SH3TC1: variants seen among roughly 807,000 people sequenced by gnomAD.
SH3TC1 encodes the protein SH3 domain and tetratricopeptide repeats 1.
SH3TC1 carries 135 observed loss-of-function variants against 117.3 expected under a neutral mutation model. That is an observed-to-expected ratio of 1.15 (90% CI 1.00 to 1.33). SH3TC1 has a LOEUF of 1.33. SH3TC1 is among the 40% of genes most tolerant of loss of function. The probability of loss-of-function intolerance (pLI) is 0.00; values close to 1 mark genes in which losing one functional copy is unlikely to be tolerated. For missense variants in SH3TC1, 2,092 were observed against 1,794.3 expected (o/e 1.17, Z -3.00); for synonymous variants, 898 against 816.9 (o/e 1.10, Z -1.69).
rs775255510 is a variant in SH3TC1 at position 8,227,217 on chromosome 4, C to A, written c.1523C>A (p.Ala508Asp). The A allele has an allele frequency of 2.5e-6, 4 of 1,570,434 alleles. No individual in the cohort carries two copies. The highest frequency in any genetic ancestry group is 1.8e-5 in the Admixed American group (1 of 54,096). ...AGCTCACTGCTGCTGTTCCTGAACG[C>A]CCCTGGGTACAAGGCCAGCTTCCGT... is the stretch of plus-strand genomic sequence containing the variant. The part of the protein sequence containing the change: ...ALSSLLLFLN[A>D]PGYKASFRGL... The change falls in exon 12 of 18, where the codon GCC becomes GAC. Residue 508 changes from alanine to aspartate, a missense_variant. By Grantham distance (126) the Ala-to-Asp change is moderately radical. Coordinates refer to ENST00000245105, the MANE Select transcript of SH3TC1 (RefSeq NM_018986.5).
At chr4:8,223,192 T>G (rs949315146) in intron 10 of SH3TC1, among the ~76,000 whole-genome samples, 1 of 152,182 alleles carries the variant, frequency 6.6e-6, no homozygotes, top group Non-Finnish European at 1.5e-5. Context: ...CCCCTGAGAC[T>G]CCTGTGGGCA....
upstream of SH3TC1, among the ~76,000 whole-genome samples, chr4:8,198,694 A>T (rs1326432791): frequency 6.6e-6 from 1 of 152,190 alleles, no homozygotes; most frequent in African/African-American, 2.4e-5. Flanking sequence ...CAGGCTAGCA[A>T]GGAGAGCTTG....
At chr4:8,212,941 G>C in intron 4 of SH3TC1, 113 bp downstream of exon 4, 1 of 1,392,070 alleles carries the variant, frequency 7.2e-7, no homozygotes, top group South Asian at 1.5e-5. Flanking sequence ...CAGAGAGCGA[G>C]AGCCACTCAG....
intron 13 of SH3TC1, chr4:8,232,459 T>C (rs1409578220): frequency 1.4e-6 from 2 of 1,472,584 alleles, no homozygotes; most frequent in Non-Finnish European, 1.8e-6. Flanking sequence ...CTGTTCTTCC[T>C]ACCTGGTGGC....
chr4:8,220,248 A>AG (rs57701570), intron 9 of SH3TC1, among the ~76,000 whole-genome samples: 3,447 of 152,254 alleles, frequency 0.023, 126 homozygotes, highest in African/African-American at 0.078. Context: ...CCGACCTTGC[A>AG]GGCCCCCATG....
intron 1 of SH3TC1, among the ~76,000 whole-genome samples, chr4:8,187,379 C>T (rs1202071679): frequency 3.3e-5 from 5 of 151,180 alleles, no homozygotes; most frequent in Non-Finnish European, 5.9e-5. Context: ...GGAAGGACGC[C>T]ACCATGCGCA....
intron 16 of SH3TC1, chr4:8,237,048 C>CT (rs1402455730): frequency 5.9e-4 from 102 of 172,662 alleles, no homozygotes; most frequent in African/African-American, 2.5e-3. Flanking sequence ...GCTCGCGCAT[C>CT]TGTGGGGGGA....
chr4:8,212,986 C>G, intron 4 of SH3TC1, 158 bp downstream of exon 4: 1 of 993,072 alleles, frequency 1.0e-6, no homozygotes, highest in East Asian at 2.8e-5. Flanking sequence ...GCTGTGATAC[C>G]CAGTGGGTGG....
rs1718234755 is a variant in SH3TC1, at chr4:8,206,665, G to T, written c.172+1299G>T. On this transcript the variant is annotated intron_variant, in intron 2 of 17. Transcript: ENST00000245105. This position sits in a 1 kb window ranked among gnomAD's most constrained non-coding sequence, Gnocchi z 5.5. ...ACTTTCCCTGCTTGGCCAAGGGAAA[G>T]CTGGCTTGGGGTGGGGCTCCTCATC... Among the ~76,000 whole-genome samples the T allele has an allele frequency of 6.6e-6, 1 of 151,656 alleles. No homozygotes were observed. The highest frequency in any genetic ancestry group is 1.5e-5 in the Non-Finnish European group (1 of 67,876).
chr4:8,240,429 G>A (rs536047236), intron 17 of SH3TC1, among the ~76,000 whole-genome samples: 19 of 152,274 alleles, frequency 1.2e-4, no homozygotes, highest in African/African-American at 3.1e-4. Context: ...CTCAGCCCAC[G>A]GGGAAAGCAG....
At chr4:8,215,166 A>C (rs541986410) in intron 5 of SH3TC1, 63 of 456,250 alleles carry the variant, frequency 1.4e-4, no homozygotes, top group African/African-American at 1.2e-3. Context: ...AATTTCACTC[A>C]ACCAGAACTT....
At chr4:8,212,232 C>T (rs1480126905) in intron 3 of SH3TC1, among the ~76,000 whole-genome samples, 1 of 152,078 alleles carries the variant, frequency 6.6e-6, no homozygotes, top group African/African-American at 2.4e-5. Context: ...TGGGTGCCCC[C>T]ATGGTCCCAG....
rs931893287 is a variant in SH3TC1 at position 8,227,626 on chromosome 4, G to T, written c.1932G>T (p.Glu644Asp). The change falls in exon 12 of 18, where the codon GAG becomes GAT. Residue 644 changes from glutamate (E) to aspartate (D), a missense_variant. Physicochemically the swap from Glu to Asp is conservative, Grantham distance 45 (BLOSUM62 2). Coordinates refer to ENST00000245105, the MANE Select transcript of SH3TC1 (RefSeq NM_018986.5). ...TPDHICSTEA[E>D]GELLQLALRR... Reference sequence around the variant, plus strand: ...ACCACATCTGCAGCACCGAGGCGGAGGGGGAGCTCCTGCAGCTGGCGCTGC... The same window carrying T: ...ACCACATCTGCAGCACCGAGGCGGATGGGGAGCTCCTGCAGCTGGCGCTGC... 1 of 1,525,278 alleles carries T rather than the reference G, an allele frequency of 6.6e-7. No individual in the cohort carries two copies. The highest frequency in any genetic ancestry group is 1.4e-5 in the African/African-American group (1 of 71,964). The allele number at this position is 1,525,278 out of a possible 1,614,324, so 94.5% of individuals were successfully genotyped here.
At chr4:8,213,460 C>T (rs1414217752) in intron 4 of SH3TC1, among the ~76,000 whole-genome samples, 1 of 152,230 alleles carries the variant, frequency 6.6e-6, no homozygotes, top group Non-Finnish European at 1.5e-5. Flanking sequence ...TCACACCAAG[C>T]ACCTGCAGGC....
At chr4:8,220,204 C>T (rs1338616003) in intron 9 of SH3TC1, among the ~76,000 whole-genome samples, 1 of 152,204 alleles carries the variant, frequency 6.6e-6, no homozygotes, top group Non-Finnish European at 1.5e-5. Context: ...ACACACGTCG[C>T]TCTCCTCCGT....
rs551068382 is a variant in SH3TC1 at position 8,232,248 on chromosome 4, C to T, written c.3131+92C>T. The T allele has an allele frequency of 1.1e-5, 16 of 1,397,588 alleles. No homozygotes were observed. The East Asian group carries it at 4.5e-4, about 40-fold the overall frequency. The allele number at this position is 1,397,588 out of a possible 1,614,324, so 86.6% of individuals were successfully genotyped here. On this transcript the variant is annotated intron_variant, in intron 13 of 17. Transcript: ENST00000245105. ...CAGGGAAGCTGGCCCAGGGCCCCAG[C>T]AGCCCCTCTCCTTGGGATCATTTGG...
rs1291585042 is a variant in SH3TC1, at chr4:8,209,855, G to A, written c.247+33G>A. 2 of 1,604,134 alleles carry A rather than the reference G, an allele frequency of 1.2e-6. No individual in the cohort carries two copies. The highest frequency in any genetic ancestry group is 1.7e-5 in the Admixed American group (1 of 59,054). The stretch of plus-strand genomic sequence containing the variant: ...TCCTGGGCCCTACACAGGGCTTCAG[G>A]TTCAAATCCGGGCTGTGCCGCTCCC... On this transcript the variant is annotated intron_variant, in intron 3 of 17. Transcript: ENST00000245105. The surrounding 1 kb of genome is among the most constrained non-coding windows in gnomAD (Gnocchi z 5.9).
chr4:8,199,833 C>T (rs1464588712), intron 1 of SH3TC1, among the ~76,000 whole-genome samples: 2 of 152,184 alleles, frequency 1.3e-5, no homozygotes, highest in Non-Finnish European at 2.9e-5. Context: ...GCGAGCCCAG[C>T]GCCTCAGCCT....
At chr4:8,199,099 G>A (rs373396353), upstream of SH3TC1, among the ~76,000 whole-genome samples, 25 of 152,330 alleles carry the variant, frequency 1.6e-4, 1 homozygote, top group East Asian at 4.4e-3. Context: ...GCTGGGCAGC[G>A]GGCAGGCAGG....
Sources: allele counts gnomAD v4.1 joint callset (sites outside exome capture counted in the v4.1 genomes callset), GRCh38; gene constraint gnomAD v4.1.1; non-coding constraint Gnocchi (gnomAD v3.1); transcripts MANE v1.5; gene names NCBI Gene and HGNC (gene_info 2026-07-23, HGNC 2026-07-21).